FUS: variants seen among roughly 807,000 people sequenced by gnomAD.
FUS encodes RNA-binding protein FUS.
Under a neutral mutation model 82.7 loss-of-function variants are expected in FUS, and 5 were observed. The observed-to-expected ratio is 0.06, with a 90% CI of 0.03 to 0.13. FUS has a LOEUF of 0.13. Among genes scored for constraint, FUS ranks in the 10% least tolerant of loss-of-function variants. The probability of loss-of-function intolerance (pLI) is 1.00; values close to 1 mark genes in which losing one functional copy is unlikely to be tolerated. For synonymous variants in FUS, 281 were observed against 247.4 expected (o/e 1.14, Z -1.27); for missense variants, 512 against 707.8 (o/e 0.72, Z 3.14).
chr16:31,182,807 A>C (rs1357419148), intron 3 of FUS, 143 bp downstream of exon 3: 3 of 1,015,082 alleles, frequency 3.0e-6, no homozygotes, highest in Non-Finnish European at 4.5e-6. Context: ...ACATCAGCCT[A>C]CCGGGTTCAA....
rs771216742 is a variant in FUS, at chr16:31,189,679, G to A, written c.951G>A (p.Thr317=). The change falls in exon 10 of 15, where the codon ACG becomes ACA. Residue 317 remains threonine, a synonymous_variant. Coordinates refer to ENST00000254108, the MANE Select transcript of FUS (RefSeq NM_004960.4). Reference sequence around the variant, plus strand: ...GCTTTCTTCAGACAAACAAGAAAACGGGACAGCCCATGATTAATTTGTACA... The same window carrying A: ...GCTTTCTTCAGACAAACAAGAAAACAGGACAGCCCATGATTAATTTGTACA... ...QIGIIKTNKK[T]GQPMINLYTD... 6.2e-6 allele frequency: 10 copies of A among 1,613,994 alleles called. No individual in the cohort carries two copies. The highest frequency in any genetic ancestry group is 4.4e-5 in the South Asian group (4 of 91,082).
At chr16:31,180,935 C>CA (rs2058050593) in intron 1 of FUS, among the ~76,000 whole-genome samples, 1 of 151,022 alleles carries the variant, frequency 6.6e-6, no homozygotes, top group African/African-American at 2.4e-5. Flanking sequence ...TTTTTGGAGA[C>CA]ACGGTCTTCC....
chr16:31,190,709 C>G (rs368419983), intron 12 of FUS, 33 bp from the exon 13 acceptor site: 16 of 1,582,520 alleles, frequency 1.0e-5, no homozygotes, highest in Admixed American at 1.7e-5. Context: ...TATTCCCCAT[C>G]GCTCCAGACT....
downstream of FUS, chr16:31,192,617 G>GT (rs2144148592): frequency 2.1e-6 from 1 of 486,716 alleles, no homozygotes; most frequent in Non-Finnish European, 4.1e-6. Flanking sequence ...CTGGAGTGCA[G>GT]TGGCGTGATC....
intron 10 of FUS, 107 bp downstream of exon 10, chr16:31,189,901 T>G: frequency 8.1e-6 from 13 of 1,595,314 alleles, no homozygotes; most frequent in Non-Finnish European, 1.0e-5. Flanking sequence ...ACACTTACTT[T>G]AGCTGCGGTT....
At chr16:31,186,922 T>C in intron 7 of FUS, 86 bp downstream of exon 7, 1 of 1,358,214 alleles carries the variant, frequency 7.4e-7, no homozygotes, top group Non-Finnish European at 1.1e-6. Flanking sequence ...CGTGTTAATT[T>C]AAATGTCAAA....
chr16:31,181,334 T>G (rs1302446857), intron 1 of FUS, among the ~76,000 whole-genome samples: 3 of 152,212 alleles, frequency 2.0e-5, no homozygotes, highest in Admixed American at 1.3e-4. Flanking sequence ...GCTGGGAGGA[T>G]GAGTTGATCT....
chr16:31,182,916 G>A (rs1394370335), intron 3 of FUS: 14 of 468,550 alleles, frequency 3.0e-5, no homozygotes, highest in African/African-American at 2.0e-4. Context: ...GGGTTTCACC[G>A]TGTTGGACAG....
chr16:31,188,267 G>C, intron 7 of FUS, 58 bp from the exon 8 acceptor site: 1 of 1,575,330 alleles, frequency 6.3e-7, no homozygotes, highest in Non-Finnish European at 8.6e-7. Context: ...GTTGACTAAC[G>C]GCTCATCTTT....
At chr16:31,189,528 A>G (rs2079320792) in intron 9 of FUS, 137 bp from the exon 10 acceptor site, 2 of 1,172,878 alleles carry the variant, frequency 1.7e-6, no homozygotes, top group South Asian at 1.3e-5. Flanking sequence ...GGAGGTTTAC[A>G]TGTGAGGTAG....
intron 8 of FUS, 155 bp from the exon 9 acceptor site, chr16:31,188,968 C>CAT: frequency 1.5e-6 from 1 of 679,812 alleles, no homozygotes; most frequent in South Asian, 1.6e-5. Flanking sequence ...GCATGGCTGG[C>CAT]ATATAGGGAC....
intron 3 of FUS, 104 bp from the exon 4 acceptor site, chr16:31,183,754 A>G (rs1023532849): frequency 7.1e-7 from 1 of 1,410,938 alleles, no homozygotes; most frequent in Non-Finnish European, 1.0e-6. Context: ...ACAGCTTCTG[A>G]GAGGCTGGCT....
chr16:31,194,256 CT>C (rs368576797), downstream of FUS: 138 of 530,692 alleles, frequency 2.6e-4, no homozygotes, highest in Non-Finnish European at 4.6e-4. Context: ...ACTGATCTAC[CT>C]TTAGGCATGT....
intron 8 of FUS, 173 bp downstream of exon 8, chr16:31,188,530 A>G (rs2079305948): frequency 4.0e-6 from 3 of 745,502 alleles, no homozygotes; most frequent in Non-Finnish European, 6.9e-6. Flanking sequence ...AGTATTTCTC[A>G]GAAATACCTG....
intron 11 of FUS, 63 bp downstream of exon 11, chr16:31,190,204 C>T: frequency 6.2e-7 from 1 of 1,613,836 alleles, no homozygotes; most frequent in Non-Finnish European, 8.5e-7. Context: ...ATGGTAAAGG[C>T]TTGCATGGAA....
intron 7 of FUS, chr16:31,187,793 T>G: frequency 8.3e-6 from 2 of 240,426 alleles, no homozygotes; most frequent in East Asian, 1.2e-4. Context: ...ATAGCTATTA[T>G]GTATGGTTTT....
chr16:31,180,800 T>C (rs1371762102), intron 1 of FUS, among the ~76,000 whole-genome samples: 5 of 152,092 alleles, frequency 3.3e-5, no homozygotes, highest in Admixed American at 1.3e-4. Flanking sequence ...GCCACGCGGC[T>C]GGGGGCGGAG....
intron 1 of FUS, among the ~76,000 whole-genome samples, chr16:31,181,132 C>A (rs1206570280): frequency 6.6e-6 from 1 of 152,160 alleles, no homozygotes; most frequent in South Asian, 2.1e-4. Flanking sequence ...TCAGGCTGGT[C>A]TCGAACTGCT....
intron 1 of FUS, among the ~76,000 whole-genome samples, chr16:31,181,830 C>T (rs1032247687): frequency 6.6e-6 from 1 of 152,180 alleles, no homozygotes; most frequent in Non-Finnish European, 1.5e-5. Context: ...TTGTGGATGT[C>T]CACCAAGACC....
Sources: allele counts gnomAD v4.1 joint callset (sites outside exome capture counted in the v4.1 genomes callset), GRCh38; gene constraint gnomAD v4.1.1; transcripts MANE v1.5; gene names NCBI Gene and HGNC (gene_info 2026-07-23, HGNC 2026-07-21).